UPF2: variants seen among roughly 807,000 people sequenced by gnomAD.
UPF2 encodes the protein regulator of nonsense transcripts 2.
A neutral mutation model predicts 141.4 loss-of-function variants in UPF2; 17 were observed. The ratio of observed to expected loss-of-function variants is 0.12; its 90% CI spans 0.08 to 0.18. The LOEUF is 0.18. Among genes scored for constraint, UPF2 ranks in the 10% least tolerant of loss-of-function variants. The pLI is 1.00. For missense variants in UPF2, 1,152 were observed against 1,515.9 expected, an observed-to-expected ratio of 0.76 and a Z score of 3.99; for synonymous variants, 540 against 498.0, an observed-to-expected ratio of 1.08 and a Z score of -1.12.
intron 3 of UPF2, among the ~76,000 whole-genome samples, chr10:12,024,792 G>A (rs975910538): frequency 6.6e-6 from 1 of 151,426 alleles, no homozygotes; most frequent in Non-Finnish European, 1.5e-5. Context: ...AAATAACCAG[G>A]CATGGTAGCA....
At chr10:11,942,869 A>G in intron 17 of UPF2, 106 bp from the exon 18 acceptor site, 1 of 999,978 alleles carries the variant, frequency 1.0e-6, no homozygotes, top group South Asian at 1.5e-5. Context: ...CTCAAGGAGT[A>G]AAGTGAGTAA....
intron 9 of UPF2, 107 bp downstream of exon 9, chr10:11,978,950 C>T (rs1464260434): frequency 3.4e-6 from 3 of 889,116 alleles, no homozygotes; most frequent in Non-Finnish European, 5.2e-6. Flanking sequence ...AACTGTTATA[C>T]CACTATCAAA....
intron 4 of UPF2, among the ~76,000 whole-genome samples, chr10:12,008,475 A>G (rs1293600198): frequency 2.0e-5 from 3 of 151,626 alleles, no homozygotes; most frequent in Non-Finnish European, 4.4e-5. Flanking sequence ...CTAAAAATAC[A>G]AAAAATTAGC....
rs546310732 is a variant in UPF2 at position 11,939,413 on chromosome 10, A to C, written c.3379-2701T>G. On this transcript the variant is annotated intron_variant, in intron 18 of 21. Transcript: ENST00000357604. This position sits in a 1 kb window ranked among gnomAD's most constrained non-coding sequence, Gnocchi z 4.8. ...TTAACTGATTTGCAACGTTATCTTC[A>C]TCATATTACTAAACGGTCATGTTTT... 4.6e-5 allele frequency among the ~76,000 whole-genome samples: 7 copies of C among 152,166 alleles called. No individual in the cohort carries two copies. The highest frequency in any genetic ancestry group is 1.7e-4 in the African/African-American group (7 of 41,524).
chr10:11,988,492 A>T (rs917099998), intron 8 of UPF2, among the ~76,000 whole-genome samples: 12 of 151,966 alleles, frequency 7.9e-5, no homozygotes, highest in Non-Finnish European at 1.6e-4. Flanking sequence ...TTTGTAGAGG[A>T]TGGGGTCTCA....
intron 21 of UPF2, among the ~76,000 whole-genome samples, chr10:11,923,943 C>T (rs1483639671): frequency 1.3e-5 from 2 of 152,086 alleles, no homozygotes; most frequent in East Asian, 3.8e-4. Flanking sequence ...TAGTAAGAGT[C>T]TAGAGAGTTA....
chr10:12,012,713 G>A (rs34734617), intron 4 of UPF2, among the ~76,000 whole-genome samples: 7,934 of 151,668 alleles, frequency 0.052, 284 homozygotes, highest in Non-Finnish European at 0.08. Context: ...GCAGAAGAAT[G>A]GCCTGAACCT....
chr10:11,930,547 C>T (rs577564185), intron 20 of UPF2, among the ~76,000 whole-genome samples: 1 of 152,018 alleles, frequency 6.6e-6, no homozygotes, highest in Non-Finnish European at 1.5e-5. Flanking sequence ...GATGCAGAGG[C>T]GGGAGGACTG....
At chr10:11,977,667 G>A (rs952042933) in intron 9 of UPF2, among the ~76,000 whole-genome samples, 2 of 151,988 alleles carry the variant, frequency 1.3e-5, no homozygotes, top group Admixed American at 6.6e-5. Context: ...TTGTACAATG[G>A]GATTAAACAT....
chr10:11,946,036 A>G (rs1832996159), intron 16 of UPF2, among the ~76,000 whole-genome samples: 1 of 152,164 alleles, frequency 6.6e-6, no homozygotes, highest in African/African-American at 2.4e-5. Flanking sequence ...CTAAATTTTT[A>G]CTAACTTATT....
chr10:11,925,706 G>A (rs566777455), intron 21 of UPF2, among the ~76,000 whole-genome samples: 224 of 152,334 alleles, frequency 1.5e-3, no homozygotes, highest in African/African-American at 5.2e-3. Context: ...GGCAGGACCC[G>A]AAGGAGCAGG....
intron 12 of UPF2, among the ~76,000 whole-genome samples, chr10:11,958,768 CAAATAGCCAGAGACGTTCAAAATTACGA>C (rs1833194502): frequency 6.6e-6 from 1 of 152,090 alleles, no homozygotes; most frequent in African/African-American, 2.4e-5. Flanking sequence ...CAGAAAAATA[CAAATAGCCAGAGACGTTCAAAATTACGA>C]AATTTCAGAG....
intron 21 of UPF2, among the ~76,000 whole-genome samples, chr10:11,923,569 T>A (rs1370362039): frequency 6.6e-6 from 1 of 151,538 alleles, no homozygotes; most frequent in African/African-American, 2.4e-5. Context: ...TAATCCCAGC[T>A]ACTCGGGAGG....
intron 5 of UPF2, among the ~76,000 whole-genome samples, chr10:12,003,061 C>A (rs753685161): frequency 1.3e-5 from 2 of 152,156 alleles, no homozygotes; most frequent in Non-Finnish European, 2.9e-5. Flanking sequence ...TTTGCTACCT[C>A]TAGATGAAAA....
At position 11,921,423 on chromosome 10, in the gene UPF2, G is replaced by T. The variant is rs112417958; in HGVS notation, c.3810-116C>A. ...AAGTCACTCCCCCAAGTTACAGGTG[G>T]CCCTGGCATCTGCGGGTTCCACATC... On this transcript the variant is annotated intron_variant, in intron 21 of 21. Transcript: ENST00000357604. This position sits in a 1 kb window ranked among gnomAD's most constrained non-coding sequence, Gnocchi z 5.9. The T allele has an allele frequency of 1.0e-3, 1,382 of 1,332,878 alleles. 24 individuals carry two copies. In the Admixed American group the frequency reaches 0.024, roughly 24 times the overall value. 82.6% of individuals were successfully genotyped at this position (1,332,878 alleles called of 1,614,324 possible).
chr10:12,037,402 CT>C (rs59226793), intron 1 of UPF2, among the ~76,000 whole-genome samples: 166 of 122,262 alleles, frequency 1.4e-3, no homozygotes, highest in Middle Eastern at 4.5e-3. Flanking sequence ...TTTTGTTTTT[CT>C]TTTTTTTTTT....
At chr10:11,942,375 GA>G (rs113809934) in intron 18 of UPF2, among the ~76,000 whole-genome samples, 1 of 146,610 alleles carries the variant, frequency 6.8e-6, no homozygotes, top group Admixed American at 6.8e-5. Context: ...TCTGTCTCAA[GA>G]AAAAAAAAAG....
At chr10:12,033,860 A>G (rs1834572681) in intron 2 of UPF2, among the ~76,000 whole-genome samples, 1 of 152,102 alleles carries the variant, frequency 6.6e-6, no homozygotes, top group Admixed American at 6.6e-5. Flanking sequence ...AATAAGTTTT[A>G]TATTTAGAGA....
At chr10:11,945,789 G>T (rs902251377) in intron 16 of UPF2, among the ~76,000 whole-genome samples, 5 of 152,082 alleles carry the variant, frequency 3.3e-5, no homozygotes, top group Admixed American at 2.6e-4. Flanking sequence ...AACAATGCTG[G>T]ATTTATTAGA....
Sources: gnomAD v4.1 joint callset for allele counts (sites outside exome capture counted in the v4.1 genomes callset) on GRCh38, gnomAD v4.1.1 for gene constraint, Gnocchi (gnomAD v3.1) non-coding constraint, MANE v1.5 for transcripts, NCBI Gene and HGNC (gene_info 2026-07-23, HGNC 2026-07-21) for gene names.